The following STXBP6 variants were observed in gnomAD, a reference collection of about 807,000 sequenced individuals.
The protein encoded by STXBP6 is syntaxin-binding protein 6.
A neutral mutation model predicts 26.9 loss-of-function variants in STXBP6; 21 were observed. That is an observed-to-expected ratio of 0.78 (90% CI 0.55 to 1.12). The LOEUF (loss-of-function observed/expected upper bound fraction) is 1.12. STXBP6 is among the 50% of genes most tolerant of loss of function. The pLI, the probability that STXBP6 is intolerant of heterozygous loss-of-function variation, is 0.00. For missense variants in STXBP6, 232 were observed against 257.9 expected (o/e 0.90, Z 0.69); for synonymous variants, 97 against 92.6 (o/e 1.05, Z -0.27).
intron 2 of STXBP6, among the ~76,000 whole-genome samples, chr14:24,965,942 G>A (rs1164170344): frequency 6.6e-6 from 1 of 152,174 alleles, no homozygotes; most frequent in Non-Finnish European, 1.5e-5. Flanking sequence ...TAGGATGTCT[G>A]CCAGGTACAC....
intron 2 of STXBP6, among the ~76,000 whole-genome samples, chr14:24,957,773 G>C (rs866631894): frequency 2.9e-4 from 44 of 152,152 alleles, no homozygotes; most frequent in African/African-American, 9.4e-4. Context: ...GGCCCTCTAG[G>C]TTACACAGAT....
intron 5 of STXBP6, among the ~76,000 whole-genome samples, chr14:24,814,379 C>T (rs1290116824): frequency 1.3e-5 from 2 of 152,258 alleles, no homozygotes; most frequent in Non-Finnish European, 2.9e-5. Context: ...ATCACATCAA[C>T]ACAGAGTGGT....
intron 1 of STXBP6, among the ~76,000 whole-genome samples, chr14:24,988,204 T>C (rs774803004): frequency 6.6e-6 from 1 of 152,358 alleles, no homozygotes; most frequent in South Asian, 2.1e-4. Flanking sequence ...CTGTCCCTAG[T>C]GCATACTGGT....
At chr14:24,936,460 G>T (rs570420880) in intron 2 of STXBP6, among the ~76,000 whole-genome samples, 27 of 152,270 alleles carry the variant, frequency 1.8e-4, no homozygotes, top group African/African-American at 6.3e-4. Context: ...TGTGAAGAAA[G>T]AAATCTCTTC....
At chr14:24,864,765 A>G (rs995947724) in intron 2 of STXBP6, among the ~76,000 whole-genome samples, 1 of 152,174 alleles carries the variant, frequency 6.6e-6, no homozygotes, top group Admixed American at 6.5e-5. Context: ...GTCAAATATA[A>G]TTACCGCTAT....
At chr14:24,880,568 G>A (rs2070321825) in intron 2 of STXBP6, among the ~76,000 whole-genome samples, 1 of 152,194 alleles carries the variant, frequency 6.6e-6, no homozygotes, top group Non-Finnish European at 1.5e-5. Context: ...GGTACATGAT[G>A]CATTGCTCCC....
rs573171185 is a variant in STXBP6, at chr14:24,960,666, A to G, written c.154+13999T>C. 3.3e-5 allele frequency among the ~76,000 whole-genome samples: 5 copies of G among 152,310 alleles called. No individual in the cohort carries two copies. The South Asian group carries it at 1.0e-3, about 32-fold the overall frequency. ...CCCAAGTCTAGGAAGAACTGACAGA[A>G]GTGGAATAGGTCTGCACATTTGGCC... On this transcript the variant is annotated intron_variant, in intron 2 of 5. Transcript: ENST00000323944.
At chr14:24,973,778 A>G (rs558101257) in intron 2 of STXBP6, among the ~76,000 whole-genome samples, 7 of 152,282 alleles carry the variant, frequency 4.6e-5, no homozygotes, top group Non-Finnish European at 8.8e-5. Context: ...TTTCTGGTAA[A>G]AAGTTACTTT....
chr14:24,919,175 G>A (rs958070773), intron 2 of STXBP6, among the ~76,000 whole-genome samples: 2 of 151,942 alleles, frequency 1.3e-5, no homozygotes, highest in Admixed American at 6.6e-5. Flanking sequence ...GTACTATGTC[G>A]AGTTTAGCAC....
intron 1 of STXBP6, among the ~76,000 whole-genome samples, chr14:25,011,568 A>C (rs2075032784): frequency 6.6e-6 from 1 of 152,220 alleles, no homozygotes; most frequent in African/African-American, 2.4e-5. Flanking sequence ...TCAGTCCAAG[A>C]GAATGAGACA....
At chr14:24,831,388 CA>C (rs1188447382) in intron 4 of STXBP6, among the ~76,000 whole-genome samples, 1 of 152,074 alleles carries the variant, frequency 6.6e-6, no homozygotes, top group Non-Finnish European at 1.5e-5. Flanking sequence ...TACTTGGTAC[CA>C]AGCAGAGTAC....
chr14:24,837,154 TAAA>T (rs1049182995), intron 4 of STXBP6, among the ~76,000 whole-genome samples: 8 of 152,106 alleles, frequency 5.3e-5, no homozygotes, highest in African/African-American at 1.9e-4. Flanking sequence ...ACAAATGATC[TAAA>T]ACAAGGGGTA....
intron 2 of STXBP6, among the ~76,000 whole-genome samples, chr14:24,971,606 A>C (rs1324601978): frequency 6.6e-6 from 1 of 152,180 alleles, no homozygotes; most frequent in African/African-American, 2.4e-5. Context: ...ATAGGAGAAT[A>C]GGAGAAATTC....
intron 4 of STXBP6, among the ~76,000 whole-genome samples, chr14:24,852,420 TGGG>T (rs1404698360): frequency 8.5e-5 from 13 of 152,094 alleles, no homozygotes; most frequent in Non-Finnish European, 1.8e-4. Context: ...GCTTCTTGGG[TGGG>T]CTTGTCCTCA....
chr14:25,027,433 TAATC>T (rs569556715), intron 1 of STXBP6, among the ~76,000 whole-genome samples: 3 of 152,210 alleles, frequency 2.0e-5, no homozygotes, highest in Non-Finnish European at 4.4e-5. Flanking sequence ...ACAGTGAACT[TAATC>T]AATAAATGCA....
chr14:24,851,081 C>CAA, intron 4 of STXBP6, among the ~76,000 whole-genome samples: 1 of 152,088 alleles, frequency 6.6e-6, no homozygotes, highest in South Asian at 2.1e-4. Context: ...ATAAATTGGT[C>CAA]AACACAAATG....
At chr14:25,019,279 C>T (rs1404752066) in intron 1 of STXBP6, among the ~76,000 whole-genome samples, 2 of 152,042 alleles carry the variant, frequency 1.3e-5, no homozygotes, top group Non-Finnish European at 2.9e-5. Flanking sequence ...ATCTGGGGGT[C>T]TAAAGGAACT....
In STXBP6 at chr14:24,893,005, C is replaced by T. The variant is rs532204097; in HGVS notation, c.155-35848G>A. On this transcript the variant is annotated intron_variant, in intron 2 of 5. Transcript: ENST00000323944. ...ATTCAGCAGGAGAGCCCAGGAATGG[C>T]ACTCTCAACAGCCAGGCTGCAGAGG... is the stretch of plus-strand genomic sequence containing the variant. Among the ~76,000 whole-genome samples the T allele has an allele frequency of 8.7e-4, 133 of 152,322 alleles. 1 individual carries two copies. Among genetic ancestry groups the T allele is most frequent in the African/African-American group, 3.0e-3 (123 of 41,584 alleles).
At chr14:24,839,421 G>A (rs2068723623) in intron 4 of STXBP6, among the ~76,000 whole-genome samples, 1 of 151,850 alleles carries the variant, frequency 6.6e-6, no homozygotes, top group South Asian at 2.1e-4. Flanking sequence ...AGAGAATTTG[G>A]TTCATGATCT....
Sources: gnomAD v4.1 joint callset for allele counts (sites outside exome capture counted in the v4.1 genomes callset) on GRCh38, gnomAD v4.1.1 for gene constraint, MANE v1.5 for transcripts, NCBI Gene and HGNC (gene_info 2026-07-23, HGNC 2026-07-21) for gene names.